SMG6: variants seen among roughly 807,000 people sequenced by gnomAD.
SMG6 encodes telomerase-binding protein EST1A.
Under a neutral mutation model 142.2 loss-of-function variants are expected in SMG6, and 66 were observed. The ratio of observed to expected loss-of-function variants is 0.46; its 90% CI spans 0.38 to 0.57. The LOEUF is 0.57. SMG6 is among the 20% of genes least tolerant of loss of function. The probability of loss-of-function intolerance (pLI) is 0.00; values close to 1 mark genes in which losing one functional copy is unlikely to be tolerated. For synonymous variants in SMG6, 779 were observed against 702.4 expected, an observed-to-expected ratio of 1.11 and a Z score of -1.72; for missense variants, 1,793 against 1,832.0, an observed-to-expected ratio of 0.98 and a Z score of 0.39.
At chr17:2,114,539 G>C (rs2069438357) in intron 13 of SMG6, among the ~76,000 whole-genome samples, 1 of 152,142 alleles carries the variant, frequency 6.6e-6, no homozygotes, top group South Asian at 2.1e-4. Flanking sequence ...TTCAGGCTGA[G>C]TAAGAATACA....
chr17:2,289,023 G>A (rs1251440280), intron 6 of SMG6, among the ~76,000 whole-genome samples: 2 of 148,424 alleles, frequency 1.3e-5, no homozygotes, highest in Non-Finnish European at 3.0e-5. Context: ...AGCTCGCAGT[G>A]AGCCGAGATT....
At position 2,172,848 on chromosome 17, in the gene SMG6, T is replaced by C. The variant is rs1342026129; in HGVS notation, c.3167A>G (p.Asp1056Gly). ...SLDLPSHVAVDVWSTLADFCN... is the reference protein window; with the variant it reads ...SLDLPSHVAVGVWSTLADFCN... ...GAAATCAGCCAGCGTCGACCATACA[T>C]CCACAGCAACACTGTGAGAAATAAG... The change falls in exon 13 of 19, where the codon GAT (aspartate) becomes GGT (glycine). Residue 1056 changes from aspartate to glycine, a missense_variant. Asp to Gly is a moderately conservative substitution (Grantham distance 94, BLOSUM62 -1). Around this residue, in one of 3 missense-constraint regions of SMG6, gnomAD observed 1,597 missense variants for 1,584.6 expected, o/e 1.01. Coordinates refer to ENST00000263073, the MANE Select transcript of SMG6 (RefSeq NM_017575.5). 3.1e-6 allele frequency: 5 copies of C among 1,613,900 alleles called. No individual in the cohort carries two copies. The highest frequency in any genetic ancestry group is 4.2e-6 in the Non-Finnish European group (5 of 1,179,940).
At position 2,205,813 on chromosome 17, in the gene SMG6, A is replaced by AT. The variant is rs1426400008; in HGVS notation, c.2870-17299dup. 1.7e-4 allele frequency among the ~76,000 whole-genome samples: 26 copies of AT among 152,096 alleles called. No individual in the cohort carries two copies. In the East Asian group the frequency reaches 4.6e-3, roughly 27 times the overall value. The stretch of plus-strand genomic sequence containing the variant: ...TAGATAAATATATATGTGTATATAT[A>AT]TTTTTTTTCTTCCCAGACAGATGCT... On this transcript the variant is annotated intron_variant, in intron 10 of 18. Transcript: ENST00000263073.
intron 10 of SMG6, among the ~76,000 whole-genome samples, chr17:2,198,966 A>G (rs961563269): frequency 1.2e-4 from 18 of 150,812 alleles, no homozygotes; most frequent in African/African-American, 3.9e-4. Context: ...AAAAAAAAAA[A>G]AAAAAAAAGA....
intron 10 of SMG6, among the ~76,000 whole-genome samples, chr17:2,215,267 A>G (rs1336007188): frequency 5.9e-5 from 9 of 152,276 alleles, no homozygotes; most frequent in Admixed American, 5.9e-4. Flanking sequence ...AGGATCTACT[A>G]TAACAGGATA....
Position 2,254,165 on chromosome 17 carries a change from A to G in SMG6, c.2662-9446T>C, listed in dbSNP as rs116123078. ...CTCTTCTTTCTGCCTCATCTCTCTC[A>G]TGCCTGGGAACTCTCATGCCCATCC... On this transcript the variant is annotated intron_variant, in intron 8 of 18. Coordinates refer to ENST00000263073, the MANE Select transcript of SMG6 (RefSeq NM_017575.5). 7.8e-3 allele frequency among the ~76,000 whole-genome samples: 1,191 copies of G among 152,184 alleles called. 12 individuals are homozygous for G. Among genetic ancestry groups the G allele is most frequent in the African/African-American group, 0.027 (1,130 of 41,536 alleles).
intron 13 of SMG6, among the ~76,000 whole-genome samples, chr17:2,113,116 G>A (rs931172430): frequency 7.3e-5 from 11 of 151,710 alleles, no homozygotes; most frequent in African/African-American, 2.7e-4. Context: ...GGAGTGCAGT[G>A]GCATGATCAA....
rs1392174345 is a variant in SMG6 at position 2,299,728 on chromosome 17, C to G, written c.1025G>C (p.Ser342Thr). The G allele has an allele frequency of 6.2e-7, 1 of 1,614,202 alleles. No individual in the cohort carries two copies. The highest frequency in any genetic ancestry group is 8.5e-7 in the Non-Finnish European group (1 of 1,180,036). The change falls in exon 2 of 19, where the codon AGT becomes ACT. Residue 342 changes from serine to threonine, a missense_variant. By Grantham distance (58) the Ser-to-Thr change is moderately conservative. Around this residue, in one of 3 missense-constraint regions of SMG6, gnomAD observed 1,597 missense variants for 1,584.6 expected, o/e 1.01. Coordinates refer to ENST00000263073, the MANE Select transcript of SMG6 (RefSeq NM_017575.5). This position sits in a 1 kb window ranked among gnomAD's most constrained non-coding sequence, Gnocchi z 4.3. Reference protein sequence around the residue: ...SGRGEGEQKNSAKEYRGTLRV... With the variant: ...SGRGEGEQKNTAKEYRGTLRV... ...AAGAGTGCCTCGATATTCTTTAGCACTGTTTTTCTGCTCACCCTCCCCACG... is the reference window on the plus strand; with the variant it reads ...AAGAGTGCCTCGATATTCTTTAGCAGTGTTTTTCTGCTCACCCTCCCCACG...
chr17:2,296,337 A>C (rs1038820996), intron 4 of SMG6, among the ~76,000 whole-genome samples: 2 of 151,976 alleles, frequency 1.3e-5, no homozygotes, highest in African/African-American at 4.8e-5. Flanking sequence ...CCCACCTTCA[A>C]ACTCCTAGTC....
rs760324009 is a variant in SMG6, at chr17:2,299,616, G to C, written c.1137C>G (p.Asp379Glu). 4.3e-6 allele frequency: 7 copies of C among 1,614,180 alleles called. No individual in the cohort carries two copies. Among genetic ancestry groups the C allele is most frequent in the Non-Finnish European group, 5.1e-6 (6 of 1,180,034 alleles). ...CTTTGCCCCCACTGCTCAAGCCTTT[G>C]TCAGGCTTTCCTCTATCCATATCAT... is the stretch of plus-strand genomic sequence containing the variant. ...ARDDMDRGKP[D>E]KGLSSGGKGS... The change falls in exon 2 of 19, where the codon GAC becomes GAG. Residue 379 changes from aspartate (D) to glutamate (E), a missense_variant. Physicochemically the swap from Asp to Glu is conservative, Grantham distance 45 (BLOSUM62 2). Coordinates refer to ENST00000263073, the MANE Select transcript of SMG6 (RefSeq NM_017575.5). The surrounding 1 kb of genome is among the most constrained non-coding windows in gnomAD (Gnocchi z 4.3).
In SMG6 at chr17:2,206,583, A is replaced by C. The variant is rs899499433; in HGVS notation, c.2870-18068T>G. 2.6e-5 allele frequency among the ~76,000 whole-genome samples: 4 copies of C among 151,994 alleles called. No individual in the cohort carries two copies. In the South Asian group the frequency reaches 8.3e-4, roughly 32 times the overall value. On this transcript the variant is annotated intron_variant, in intron 10 of 18. Transcript: ENST00000263073. ...AACAAAGCAAGATCTTGTCTCTAAA[A>C]AAAATAATAAAATTTGGCGGGGAGC...
At chr17:2,103,428 T>C (rs758095031) in intron 13 of SMG6, among the ~76,000 whole-genome samples, 8 of 152,178 alleles carry the variant, frequency 5.3e-5, no homozygotes, top group Non-Finnish European at 1.0e-4. Flanking sequence ...GAGGGTTTTA[T>C]GGAATCATTA....
At position 2,166,216 on chromosome 17, in the gene SMG6, AAAC is replaced by A. The variant is rs138744744; in HGVS notation, c.3357+6439_3357+6441del. On this transcript the variant is annotated intron_variant, in intron 13 of 18. Transcript: ENST00000263073. ...GAGACAGAGCCAGACTCCATCTCCA[AAAC>A]AACAACAACAACAAAAAACTACTGT... Among the ~76,000 whole-genome samples, 173 of 152,174 alleles carry A rather than the reference AAAC, an allele frequency of 1.1e-3. 1 individual carries two copies. The East Asian group carries it at 0.02, about 18-fold the overall frequency.
chr17:2,182,951 G>C (rs1450304136), intron 12 of SMG6, among the ~76,000 whole-genome samples: 2 of 152,146 alleles, frequency 1.3e-5, no homozygotes, highest in African/African-American at 2.4e-5. Flanking sequence ...CTAAGGAAGA[G>C]TAGAGATAAG....
intron 13 of SMG6, among the ~76,000 whole-genome samples, chr17:2,165,317 T>C (rs2071303828): frequency 6.6e-6 from 1 of 151,588 alleles, no homozygotes; most frequent in Admixed American, 6.6e-5. Flanking sequence ...ACATGAGCGA[T>C]AGCTCTGATA....
At chr17:2,091,883 C>T (rs4790874) in intron 13 of SMG6, among the ~76,000 whole-genome samples, 86,865 of 151,056 alleles carry the variant, frequency 0.58, 25,706 homozygotes, top group African/African-American at 0.68. Context: ...GAGGTTTCAC[C>T]GTGTTAGCCA....
chr17:2,181,816 A>G (rs2071815633), intron 12 of SMG6, among the ~76,000 whole-genome samples: 1 of 152,262 alleles, frequency 6.6e-6, no homozygotes, highest in African/African-American at 2.4e-5. Flanking sequence ...TGCAGCATCC[A>G]AAGAGAAAAC....
At position 2,248,785 on chromosome 17, in the gene SMG6, T is replaced by A. The variant is rs548257532; in HGVS notation, c.2662-4066A>T. Among the ~76,000 whole-genome samples, 19 of 152,286 alleles carry A rather than the reference T, an allele frequency of 1.2e-4. No homozygotes were observed. In the South Asian group the frequency reaches 3.9e-3, roughly 32 times the overall value. ...AATGTAGATACATCTAGAAGGTATG[T>A]GACATGAAGGAGCAGATTTGTTACA... On this transcript the variant is annotated intron_variant, in intron 8 of 18. Coordinates refer to ENST00000263073, the MANE Select transcript of SMG6 (RefSeq NM_017575.5).
chr17:2,302,106 A>T (rs1030478773), intron 1 of SMG6, among the ~76,000 whole-genome samples: 3 of 152,036 alleles, frequency 2.0e-5, no homozygotes, highest in African/African-American at 7.2e-5. Flanking sequence ...TACAAAAAAT[A>T]GCCAGGTGTG....
Sources: allele counts gnomAD v4.1 joint callset (sites outside exome capture counted in the v4.1 genomes callset), GRCh38; gene constraint gnomAD v4.1.1; regional missense constraint gnomAD v4.1.1; non-coding constraint Gnocchi (gnomAD v3.1); transcripts MANE v1.5; gene names NCBI Gene and HGNC (gene_info 2026-07-23, HGNC 2026-07-21).